DCDC1: variants seen among roughly 807,000 people sequenced by gnomAD.
DCDC1 encodes doublecortin domain-containing protein 1.
A neutral mutation model predicts 178.3 loss-of-function variants in DCDC1; 200 were observed. The observed-to-expected ratio is 1.12, with a 90% CI of 1.00 to 1.26. The LOEUF is 1.26. Among genes scored for constraint, DCDC1 ranks in the 50% most tolerant of loss-of-function variants. DCDC1 has a pLI of 0.00. For synonymous variants in DCDC1, 690 were observed against 604.8 expected, an observed-to-expected ratio of 1.14 and a Z score of -2.07; for missense variants, 1,983 against 1,749.2, an observed-to-expected ratio of 1.13 and a Z score of -2.38.
intron 9 of DCDC1, among the ~76,000 whole-genome samples, chr11:31,142,313 C>G (rs1308603192): frequency 6.6e-6 from 1 of 152,138 alleles, no homozygotes; most frequent in Non-Finnish European, 1.5e-5. Context: ...TGGTTGCCTA[C>G]CTGTCCACAA....
At chr11:31,000,267 T>C (rs932574548) in intron 20 of DCDC1, among the ~76,000 whole-genome samples, 3 of 152,170 alleles carry the variant, frequency 2.0e-5, no homozygotes, top group Non-Finnish European at 4.4e-5. Context: ...CAGGAAAGAA[T>C]TCAGTATAAT....
intron 22 of DCDC1, 123 bp from the exon 23 acceptor site, chr11:30,925,531 ATGAGCTGGACTC>A: frequency 1.2e-6 from 1 of 832,720 alleles, no homozygotes; most frequent in South Asian, 1.7e-5. Context: ...ACTGTTAGTC[ATGAGCTGGACTC>A]TGGGGCCCAT....
intron 2 of DCDC1, among the ~76,000 whole-genome samples, chr11:31,329,750 T>C (rs1051886492): frequency 3.3e-5 from 5 of 152,212 alleles, no homozygotes; most frequent in African/African-American, 4.8e-5. Flanking sequence ...TATGGCTGCA[T>C]AGTATTCCAT....
intron 9 of DCDC1, among the ~76,000 whole-genome samples, chr11:31,153,881 A>T (rs527985705): frequency 2.5e-4 from 38 of 149,842 alleles, no homozygotes; most frequent in African/African-American, 5.6e-4. Flanking sequence ...ACACACACAC[A>T]CTCTCACACC....
chr11:31,092,170 A>G (rs1288017042), intron 16 of DCDC1, among the ~76,000 whole-genome samples: 1 of 152,182 alleles, frequency 6.6e-6, no homozygotes, highest in Admixed American at 6.5e-5. Flanking sequence ...TAATAGGTAA[A>G]AAGATGTATT....
rs1203324196 is a variant in DCDC1 at position 31,051,008 on chromosome 11, T to G, written c.2591+13461A>C. ...ATCCCTGATTTACATGAAAAAGAAT[T>G]CAGAGGCTAGTTGTTAAGCTAATCA... On this transcript the variant is annotated intron_variant, in intron 20 of 38. Coordinates refer to ENST00000684477, the MANE Select transcript of DCDC1 (RefSeq NM_001387274.1). 2.0e-5 allele frequency among the ~76,000 whole-genome samples: 3 copies of G among 152,054 alleles called. 1 individual carries two copies. The highest frequency in any genetic ancestry group is 4.1e-4 in the South Asian group (2 of 4,824).
intron 17 of DCDC1, among the ~76,000 whole-genome samples, chr11:31,084,375 G>C (rs1019936539): frequency 9.9e-5 from 15 of 151,758 alleles, no homozygotes; most frequent in African/African-American, 3.6e-4. Flanking sequence ...AATAAAATAT[G>C]GTTATCTTAA....
intron 20 of DCDC1, among the ~76,000 whole-genome samples, chr11:31,051,832 T>A (rs1955269558): frequency 6.6e-6 from 1 of 152,150 alleles, no homozygotes; most frequent in East Asian, 1.9e-4. Flanking sequence ...GAGCTCTAAA[T>A]CTTGAAACAA....
chr11:31,277,295 A>C (rs572163427), intron 7 of DCDC1, among the ~76,000 whole-genome samples: 1 of 152,268 alleles, frequency 6.6e-6, no homozygotes, highest in South Asian at 2.1e-4. Flanking sequence ...TCCTTGACAT[A>C]AATATATAAT....
intron 20 of DCDC1, among the ~76,000 whole-genome samples, chr11:31,009,709 T>C (rs980423458): frequency 2.6e-5 from 4 of 152,248 alleles, no homozygotes; most frequent in Admixed American, 2.0e-4. Context: ...ACCAATTGAA[T>C]GACATCCATC....
At chr11:31,026,175 C>G (rs1590801538) in intron 20 of DCDC1, among the ~76,000 whole-genome samples, 2 of 151,702 alleles carry the variant, frequency 1.3e-5, no homozygotes, top group African/African-American at 2.4e-5. Context: ...TCTGTTATCC[C>G]TTTAGACAAA....
intron 20 of DCDC1, among the ~76,000 whole-genome samples, chr11:30,957,210 T>A (rs755455395): frequency 1.3e-5 from 2 of 152,166 alleles, no homozygotes; most frequent in East Asian, 3.9e-4. Context: ...TTCTGCATCA[T>A]TCCATATGCA....
chr11:31,328,503 G>T (rs1949767394), intron 2 of DCDC1, among the ~76,000 whole-genome samples: 1 of 151,828 alleles, frequency 6.6e-6, no homozygotes, highest in African/African-American at 2.4e-5. Context: ...TACTGTTTAA[G>T]AATGAAAAAA....
chr11:30,944,799 G>A (rs1947899484), intron 21 of DCDC1, among the ~76,000 whole-genome samples: 1 of 151,798 alleles, frequency 6.6e-6, no homozygotes, highest in Admixed American at 6.6e-5. Flanking sequence ...CTTTCCTTTT[G>A]GTTTACAAGT....
chr11:30,925,222 G>T, intron 23 of DCDC1, 87 bp downstream of exon 23: 1 of 1,123,798 alleles, frequency 8.9e-7, no homozygotes, highest in Non-Finnish European at 1.3e-6. Context: ...AAAATGGTAA[G>T]CATTTGAAGA....
intron 20 of DCDC1, among the ~76,000 whole-genome samples, chr11:30,959,778 A>C (rs896458891): frequency 6.6e-6 from 1 of 152,146 alleles, no homozygotes; most frequent in African/African-American, 2.4e-5. Flanking sequence ...GGAATCAATA[A>C]ATAAATCCCT....
intron 20 of DCDC1, among the ~76,000 whole-genome samples, chr11:31,013,706 A>C (rs999724847): frequency 6.6e-6 from 1 of 152,220 alleles, no homozygotes; most frequent in Non-Finnish European, 1.5e-5. Flanking sequence ...TAGAATATTT[A>C]TTTAGGGAGG....
intron 9 of DCDC1, among the ~76,000 whole-genome samples, chr11:31,159,307 C>T (rs1348648729): frequency 6.6e-6 from 1 of 152,148 alleles, no homozygotes; most frequent in Non-Finnish European, 1.5e-5. Context: ...TCTCTATTTC[C>T]TCTAATCCAT....
intron 9 of DCDC1, among the ~76,000 whole-genome samples, chr11:31,202,617 G>A (rs1015731379): frequency 2.0e-5 from 3 of 152,050 alleles, no homozygotes; most frequent in South Asian, 2.1e-4. Context: ...AGACAACTTG[G>A]TACTTCTTCA....
Sources: allele counts gnomAD v4.1 joint callset (sites outside exome capture counted in the v4.1 genomes callset), GRCh38; gene constraint gnomAD v4.1.1; transcripts MANE v1.5; gene names NCBI Gene and HGNC (gene_info 2026-07-23, HGNC 2026-07-21).